ARHGAP6: variants seen among roughly 807,000 people sequenced by gnomAD.
ARHGAP6 encodes the protein rho GTPase-activating protein 6.
ARHGAP6 carries 16 observed loss-of-function variants against 55.7 expected under a neutral mutation model. The ratio of observed to expected loss-of-function variants is 0.29; its 90% CI spans 0.19 to 0.44. ARHGAP6 has a LOEUF of 0.44. ARHGAP6 is among the 20% of genes least tolerant of loss of function. ARHGAP6 has a pLI of 1.00. For missense variants in ARHGAP6, 698 were observed against 808.9 expected (o/e 0.86, Z 1.66); for synonymous variants, 382 against 360.9 (o/e 1.06, Z -0.66).
chrX:11,475,068 T>G (rs1396031890), intron 1 of ARHGAP6, among the ~76,000 whole-genome samples: 1 of 111,337 alleles, frequency 9.0e-6, no homozygotes, highest in Admixed American at 9.6e-5. Context: ...GTAAATTACA[T>G]AGCATCACAT....
intron 1 of ARHGAP6, among the ~76,000 whole-genome samples, chrX:11,559,618 ACTGT>A (rs2051361700): frequency 9.0e-6 from 1 of 111,632 alleles, no homozygotes; most frequent in Non-Finnish European, 1.9e-5. Context: ...CAGTTTAATA[ACTGT>A]CTGTTCAACA....
chrX:11,229,880 C>G (rs2047102785), intron 2 of ARHGAP6, among the ~76,000 whole-genome samples: 1 of 111,951 alleles, frequency 8.9e-6, no homozygotes, highest in African/African-American at 3.2e-5. Context: ...CATTCAGATT[C>G]TGTTTTTCTG....
At chrX:11,163,981 C>A (rs1003995899) in intron 9 of ARHGAP6, among the ~76,000 whole-genome samples, 1 of 112,626 alleles carries the variant, frequency 8.9e-6, no homozygotes, top group African/African-American at 3.2e-5. Context: ...TTGTGGGACA[C>A]AAACAGTACA....
chrX:11,381,754 C>T (rs1242587210), intron 1 of ARHGAP6, among the ~76,000 whole-genome samples: 1 of 111,871 alleles, frequency 8.9e-6, no homozygotes, highest in Non-Finnish European at 1.9e-5. Flanking sequence ...TACTTCCTAC[C>T]AGAATAAAAA....
intron 1 of ARHGAP6, among the ~76,000 whole-genome samples, chrX:11,602,813 T>C (rs2051992706): frequency 8.9e-6 from 1 of 112,181 alleles, no homozygotes; most frequent in Admixed American, 9.4e-5. Flanking sequence ...TTATCCCCAA[T>C]TGACACTGGA....
At chrX:11,576,150 C>T (rs1334411316) in intron 1 of ARHGAP6, among the ~76,000 whole-genome samples, 2 of 111,629 alleles carry the variant, frequency 1.8e-5, no homozygotes, top group Non-Finnish European at 1.9e-5. Context: ...AAATGGGATC[C>T]CTACATTGTT....
chrX:11,525,154 C>G (rs1386184330), intron 1 of ARHGAP6, among the ~76,000 whole-genome samples: 1 of 111,470 alleles, frequency 9.0e-6, no homozygotes, highest in Non-Finnish European at 1.9e-5. Flanking sequence ...GATTGGGGAC[C>G]CCTGCATTGT....
intron 1 of ARHGAP6, among the ~76,000 whole-genome samples, chrX:11,440,378 C>G (rs1380808582): frequency 3.6e-5 from 4 of 112,470 alleles, no homozygotes; most frequent in Non-Finnish European, 5.6e-5. Context: ...TTCCAAAATG[C>G]AGCCATCCTT....
chrX:11,146,718 C>A (rs888751877), intron 10 of ARHGAP6, among the ~76,000 whole-genome samples: 18 of 112,455 alleles, frequency 1.6e-4, no homozygotes, highest in African/African-American at 5.8e-4. Context: ...AAGGAGCTGA[C>A]TGAATGCTGA....
At chrX:11,141,677 T>C (rs185781587) in intron 12 of ARHGAP6, among the ~76,000 whole-genome samples, 1 of 112,731 alleles carries the variant, frequency 8.9e-6, no homozygotes, top group East Asian at 2.8e-4. Flanking sequence ...GTTTACAGAA[T>C]GTAAGGTAGT....
intron 1 of ARHGAP6, among the ~76,000 whole-genome samples, chrX:11,538,784 A>G (rs1185091923): frequency 9.1e-6 from 1 of 110,317 alleles, no homozygotes; most frequent in Non-Finnish European, 1.9e-5. Context: ...CAACCTTGGC[A>G]CTATTGACAT....
At chrX:11,407,773 T>C (rs186083292) in intron 1 of ARHGAP6, among the ~76,000 whole-genome samples, 55 of 112,272 alleles carry the variant, frequency 4.9e-4, no homozygotes, top group African/African-American at 1.6e-3. Context: ...CATGTTCTTA[T>C]TGGCTAACTG....
intron 1 of ARHGAP6, among the ~76,000 whole-genome samples, chrX:11,485,842 T>C (rs753317326): frequency 9.0e-6 from 1 of 111,696 alleles, no homozygotes; most frequent in South Asian, 3.8e-4. Flanking sequence ...CGAACATTGC[T>C]TCCTGACCCC....
chrX:11,662,407 AACAC>A (rs150974482), intron 1 of ARHGAP6, among the ~76,000 whole-genome samples: 1 of 109,908 alleles, frequency 9.1e-6, no homozygotes, highest in Non-Finnish European at 1.9e-5. Context: ...AGGAATTTCC[AACAC>A]ACACACACAC....
intron 1 of ARHGAP6, among the ~76,000 whole-genome samples, chrX:11,418,702 G>A (rs1471046557): frequency 3.6e-5 from 4 of 111,799 alleles, no homozygotes; most frequent in African/African-American, 9.7e-5. Flanking sequence ...TAATAGGTTT[G>A]TGATATAAAA....
chrX:11,251,697 T>C (rs1426303448), intron 2 of ARHGAP6, among the ~76,000 whole-genome samples: 1 of 112,047 alleles, frequency 8.9e-6, no homozygotes. Flanking sequence ...CAGTATTTAT[T>C]TTCCTGTGAA....
chrX:11,339,556 C>T (rs748949804), intron 1 of ARHGAP6, among the ~76,000 whole-genome samples: 1 of 110,445 alleles, frequency 9.1e-6, no homozygotes, highest in Non-Finnish European at 1.9e-5. Flanking sequence ...CATGGTGGGC[C>T]CTCAATAAAT....
chrX:11,195,801 T>G (rs745903462), intron 3 of ARHGAP6, among the ~76,000 whole-genome samples: 8 of 107,668 alleles, frequency 7.4e-5, no homozygotes, highest in Non-Finnish European at 1.3e-4. Context: ...CATGTACCCT[T>G]GAACCTAAAA....
rs780070958 is a variant in ARHGAP6, at chrX:11,541,314, C to A, written c.588+122927G>T. On this transcript the variant is annotated intron_variant, in intron 1 of 12. Transcript: ENST00000337414. ...CTAGCTTGAATAATTTAAGTGGACTCTGGGGTGTAGGGTCCATCTCTAGTG... is the reference window on the plus strand; with the variant it reads ...CTAGCTTGAATAATTTAAGTGGACTATGGGGTGTAGGGTCCATCTCTAGTG... Among the ~76,000 whole-genome samples, 3 of 111,311 alleles carry A rather than the reference C, an allele frequency of 2.7e-5. No individual in the cohort carries two copies. In the South Asian group the frequency reaches 1.1e-3, roughly 43 times the overall value.
Sources: allele counts gnomAD v4.1 joint callset (sites outside exome capture counted in the v4.1 genomes callset), GRCh38; gene constraint gnomAD v4.1.1; transcripts MANE v1.5; gene names NCBI Gene and HGNC (gene_info 2026-07-23, HGNC 2026-07-21).